DTNB: variants seen among roughly 807,000 people sequenced by gnomAD.
The protein encoded by DTNB is dystrobrevin beta.
Under a neutral mutation model 90.7 loss-of-function variants are expected in DTNB, and 63 were observed. The observed-to-expected ratio is 0.69, with a 90% CI of 0.57 to 0.86. DTNB has a LOEUF of 0.86. DTNB is among the 40% of genes least tolerant of loss of function. The pLI is 0.00. For synonymous variants in DTNB, 277 were observed against 286.7 expected, an observed-to-expected ratio of 0.97 and a Z score of 0.34; for missense variants, 744 against 807.1, an observed-to-expected ratio of 0.92 and a Z score of 0.95.
chr2:25,669,671 G>C (rs1217960617), intron 1 of DTNB, among the ~76,000 whole-genome samples: 1 of 152,170 alleles, frequency 6.6e-6, no homozygotes, highest in Non-Finnish European at 1.5e-5. Context: ...GTGAGTAAAA[G>C]GACACGTGCG....
chr2:25,590,017 C>T (rs1003019314), intron 6 of DTNB, among the ~76,000 whole-genome samples: 4 of 152,328 alleles, frequency 2.6e-5, no homozygotes, highest in East Asian at 3.9e-4. Flanking sequence ...GGCACCAGCA[C>T]GGGCCCTGGC....
Position 25,650,960 on chromosome 2 carries a change from C to CA in DTNB, c.67+1633dup, listed in dbSNP as rs780874628. On this transcript the variant is annotated intron_variant, in intron 2 of 20. Coordinates refer to ENST00000406818, the MANE Select transcript of DTNB (RefSeq NM_021907.5). The stretch of plus-strand genomic sequence containing the variant: ...TGGGCGGCTGAGTGAGACTCCCTCT[C>CA]AAAAAAAAAAAAAATAATAATAATA... 9.6e-4 allele frequency among the ~76,000 whole-genome samples: 115 copies of CA among 119,800 alleles called. 1 individual carries two copies. Among genetic ancestry groups the CA allele is most frequent in the Middle Eastern group, 8.9e-3 (2 of 224 alleles). The allele number at this position is 119,800 out of a possible 152,430, so 78.6% of individuals were successfully genotyped here.
At chr2:25,436,427 T>C (rs1306270815) in intron 12 of DTNB, among the ~76,000 whole-genome samples, 1 of 152,148 alleles carries the variant, frequency 6.6e-6, no homozygotes, top group Non-Finnish European at 1.5e-5. Context: ...CAGCTCTCAC[T>C]GAGGGCTCCA....
intron 10 of DTNB, among the ~76,000 whole-genome samples, chr2:25,468,709 C>T (rs371687022): frequency 9.7e-4 from 148 of 152,274 alleles, no homozygotes; most frequent in African/African-American, 3.4e-3. Flanking sequence ...TCTTGCCTTG[C>T]CTTCTGTCTT....
At chr2:25,520,370 T>TCAAA (rs994675645) in intron 9 of DTNB, among the ~76,000 whole-genome samples, 3 of 152,142 alleles carry the variant, frequency 2.0e-5, no homozygotes, top group Non-Finnish European at 4.4e-5. Flanking sequence ...AGACTCCGTC[T>TCAAA]CAAACAAACA....
chr2:25,555,033 A>C (rs1229441937), intron 8 of DTNB, among the ~76,000 whole-genome samples: 3 of 152,136 alleles, frequency 2.0e-5, no homozygotes, highest in Admixed American at 6.5e-5. Flanking sequence ...ACAGTGGCTC[A>C]TGCCTGTAAT....
intron 3 of DTNB, among the ~76,000 whole-genome samples, chr2:25,630,611 G>A (rs745949051): frequency 3.3e-5 from 5 of 152,144 alleles, no homozygotes; most frequent in Non-Finnish European, 5.9e-5. Context: ...TTGGGAGGCC[G>A]AGGCGGGTGG....
intron 18 of DTNB, among the ~76,000 whole-genome samples, chr2:25,384,750 C>A (rs981495753): frequency 6.6e-6 from 1 of 152,144 alleles, no homozygotes; most frequent in Admixed American, 6.5e-5. Flanking sequence ...TGGCTCCCCA[C>A]TGAGGAAGAA....
intron 2 of DTNB, among the ~76,000 whole-genome samples, chr2:25,639,616 A>AG (rs1343421678): frequency 6.6e-6 from 1 of 151,626 alleles, no homozygotes; most frequent in African/African-American, 2.4e-5. Context: ...AAAAAAAAAA[A>AG]GCCACAACAA....
At chr2:25,419,475 A>G in intron 16 of DTNB, 40 bp downstream of exon 16, 7 of 1,556,264 alleles carry the variant, frequency 4.5e-6, no homozygotes, top group Non-Finnish European at 6.1e-6. Flanking sequence ...GAACGTGCAA[A>G]GGAGCGAGAG....
intron 8 of DTNB, among the ~76,000 whole-genome samples, chr2:25,550,109 T>G (rs1253277395): frequency 6.7e-6 from 1 of 149,788 alleles, no homozygotes; most frequent in African/African-American, 2.4e-5. Flanking sequence ...ATGCTATTGT[T>G]GGCCGGGCGC....
At position 25,437,020 on chromosome 2, in the gene DTNB, T is replaced by C. The variant is rs368598454; in HGVS notation, c.1258-3025A>G. 8.8e-4 allele frequency among the ~76,000 whole-genome samples: 134 copies of C among 152,242 alleles called. 5 individuals are homozygous for C. In the South Asian group the frequency reaches 0.028, roughly 32 times the overall value. ...GGAGGTTAATATAGGAATCAAGTCA[T>C]TATCAACAGAGATTCCTAATCAGGT... On this transcript the variant is annotated intron_variant, in intron 12 of 20. Coordinates refer to ENST00000406818, the MANE Select transcript of DTNB (RefSeq NM_021907.5).
chr2:25,382,519 CTTTTTTTTTTTTTT>C (rs3041261), intron 19 of DTNB, among the ~76,000 whole-genome samples: 18 of 72,050 alleles, frequency 2.5e-4, no homozygotes, highest in East Asian at 2.5e-3. Flanking sequence ...AGTTCTCTGC[CTTTTTTTTTTTTTT>C]TTTTTTTTTT....
chr2:25,432,206 TAC>T (rs60610400), intron 14 of DTNB, among the ~76,000 whole-genome samples: 41,948 of 146,210 alleles, frequency 0.29, 6,683 homozygotes, highest in African/African-American at 0.44. Flanking sequence ...GAAGAGTGCG[TAC>T]ACACACACAC....
At position 25,383,869 on chromosome 2, in the gene DTNB, C is replaced by T; in HGVS notation, c.1846G>A (p.Glu616Lys). The change falls in exon 19 of 21, where the codon GAA becomes AAA. Residue 616 changes from glutamate (E) to lysine (K), a missense_variant. By Grantham distance (56) the Glu-to-Lys change is moderately conservative. Coordinates refer to ENST00000406818, the MANE Select transcript of DTNB (RefSeq NM_021907.5). The part of the protein sequence containing the change: ...LHSAEEGAEE[E>K]EEKMQNGKDR... ...TTCCCATTCTGCATCTTCTCTTCTT[C>T]TTCCTCTGCACCTTCCTCTGCTGTG... is the stretch of plus-strand genomic sequence containing the variant. 1.2e-6 allele frequency: 2 copies of T among 1,614,060 alleles called. No individual in the cohort carries two copies. Among genetic ancestry groups the T allele is most frequent in the African/African-American group, 1.3e-5 (1 of 75,068 alleles).
chr2:25,478,556 G>A (rs2064223305), intron 10 of DTNB, among the ~76,000 whole-genome samples: 2 of 151,402 alleles, frequency 1.3e-5, no homozygotes, highest in African/African-American at 4.9e-5. Flanking sequence ...ACAGAGTCTC[G>A]CTATGTTGCT....
At chr2:25,509,202 T>C (rs959129684) in intron 9 of DTNB, among the ~76,000 whole-genome samples, 3 of 152,238 alleles carry the variant, frequency 2.0e-5, no homozygotes, top group Admixed American at 6.5e-5. Context: ...AAATGCTGAA[T>C]AGATGCACTA....
intron 8 of DTNB, among the ~76,000 whole-genome samples, chr2:25,572,678 A>C (rs914009357): frequency 1.3e-5 from 2 of 149,856 alleles, no homozygotes; most frequent in African/African-American, 4.9e-5. Flanking sequence ...TTTTTTAAAT[A>C]GTAGTTTTAT....
chr2:25,550,377 CGA>C (rs2151098395), intron 8 of DTNB, among the ~76,000 whole-genome samples: 1 of 151,934 alleles, frequency 6.6e-6, no homozygotes, highest in South Asian at 2.1e-4. Context: ...GGTGAAAGAG[CGA>C]GACTCTGTCT....
Sources: gnomAD v4.1 joint callset for allele counts (sites outside exome capture counted in the v4.1 genomes callset) on GRCh38, gnomAD v4.1.1 for gene constraint, MANE v1.5 for transcripts, NCBI Gene and HGNC (gene_info 2026-07-23, HGNC 2026-07-21) for gene names.